The following PALLD variants were observed in gnomAD, a reference collection of about 807,000 sequenced individuals.
PALLD encodes the protein palladin, cytoskeletal associated protein, also known as palladin.
A neutral mutation model predicts 123.5 loss-of-function variants in PALLD; 61 were observed. That is an observed-to-expected ratio of 0.49 (90% CI 0.40 to 0.61). PALLD has a LOEUF of 0.61. Ranked by LOEUF, PALLD falls within the 20% of genes least tolerant of loss-of-function variation. The pLI, the probability that PALLD is intolerant of heterozygous loss-of-function variation, is 0.00. For missense variants in PALLD, 1,273 were observed against 1,377.0 expected (o/e 0.92, Z 1.20); for synonymous variants, 465 against 496.4 (o/e 0.94, Z 0.84).
At chr4:168,791,370 T>C (rs1448300001) in intron 10 of PALLD, among the ~76,000 whole-genome samples, 2 of 152,318 alleles carry the variant, frequency 1.3e-5, no homozygotes, top group East Asian at 3.9e-4. Context: ...GACTGGGTAA[T>C]TTATAAAGGA....
At chr4:168,536,738 C>T (rs969233352) in intron 2 of PALLD, 3 of 152,168 alleles carry the variant, frequency 2.0e-5, no homozygotes, top group African/African-American at 4.8e-5. Flanking sequence ...CCTGGTCTCT[C>T]CCTTGACACT....
intron 5 of PALLD, among the ~76,000 whole-genome samples, chr4:168,684,167 C>T (rs759748435): frequency 2.1e-4 from 32 of 152,060 alleles, no homozygotes; most frequent in Admixed American, 3.3e-4. Context: ...ACCCCATTCC[C>T]AAATGGGGTG....
intron 10 of PALLD, among the ~76,000 whole-genome samples, chr4:168,778,638 A>G (rs1713739409): frequency 1.3e-5 from 2 of 152,192 alleles, no homozygotes; most frequent in South Asian, 4.1e-4. Flanking sequence ...ATTATGTACC[A>G]AGCACCGTGC....
chr4:168,805,048 C>T (rs775061752), intron 10 of PALLD, among the ~76,000 whole-genome samples: 1 of 151,918 alleles, frequency 6.6e-6, no homozygotes, highest in Non-Finnish European at 1.5e-5. Flanking sequence ...AATCCAGCTA[C>T]TCAGGAGGCC....
At chr4:168,540,133 T>C (rs1394183264) in intron 2 of PALLD, among the ~76,000 whole-genome samples, 1 of 152,192 alleles carries the variant, frequency 6.6e-6, no homozygotes, top group Non-Finnish European at 1.5e-5. Context: ...GTCATCCCAG[T>C]CTGTGCTGCG....
At chr4:168,855,990 C>T (rs1238548068) in intron 10 of PALLD, among the ~76,000 whole-genome samples, 4 of 152,204 alleles carry the variant, frequency 2.6e-5, no homozygotes, top group Admixed American at 6.5e-5. Flanking sequence ...GTTTTTCAGC[C>T]CCTCCCCACC....
intron 2 of PALLD, among the ~76,000 whole-genome samples, chr4:168,541,126 T>C (rs1250027537): frequency 6.6e-6 from 1 of 152,268 alleles, no homozygotes; most frequent in Non-Finnish European, 1.5e-5. Flanking sequence ...CACATTGTCA[T>C]ATTTACGCAG....
rs1060502976 is a variant in PALLD, at chr4:168,926,257, C to T, written c.*77C>T. 1.2e-5 allele frequency: 18 copies of T among 1,536,250 alleles called. No homozygotes were observed. Among genetic ancestry groups the T allele is most frequent in the South Asian group, 3.6e-5 (3 of 83,900 alleles). On this transcript the variant is annotated 3_prime_UTR_variant, in exon 22 of 22. Coordinates refer to ENST00000505667, the MANE Select transcript of PALLD (RefSeq NM_001166108.2). The stretch of plus-strand genomic sequence containing the variant: ...ACAGAGCACCAAGCCAAAAAAAGTA[C>T]GGCCCTCAGCCAGTCGCTATGCAGC...
At chr4:168,633,314 G>A (rs1776019776) in intron 2 of PALLD, among the ~76,000 whole-genome samples, 2 of 152,314 alleles carry the variant, frequency 1.3e-5, no homozygotes, top group South Asian at 4.1e-4. Context: ...GGTTGTTATA[G>A]GGGTTACATG....
chr4:168,780,553 C>T (rs1464081811), intron 10 of PALLD, among the ~76,000 whole-genome samples: 1 of 152,216 alleles, frequency 6.6e-6, no homozygotes, highest in Non-Finnish European at 1.5e-5. Flanking sequence ...TCTCTCTTAT[C>T]CTGCCTCATC....
chr4:168,518,225 C>G (rs1763185047), intron 2 of PALLD, among the ~76,000 whole-genome samples: 1 of 152,190 alleles, frequency 6.6e-6, no homozygotes, highest in Non-Finnish European at 1.5e-5. Flanking sequence ...GACCACTTCA[C>G]CCCACCTCCA....
intron 2 of PALLD, among the ~76,000 whole-genome samples, chr4:168,548,721 G>C (rs1482102716): frequency 6.6e-6 from 1 of 152,128 alleles, no homozygotes; most frequent in Non-Finnish European, 1.5e-5. Flanking sequence ...AGGATAATAA[G>C]GATATACAAG....
chr4:168,859,597 AC>A (rs1163488432), intron 10 of PALLD, among the ~76,000 whole-genome samples: 1 of 152,176 alleles, frequency 6.6e-6, no homozygotes, highest in Non-Finnish European at 1.5e-5. Flanking sequence ...CAAATCTATC[AC>A]CACTACCCCA....
At chr4:168,642,910 G>C (rs1169514022) in intron 2 of PALLD, among the ~76,000 whole-genome samples, 1 of 152,228 alleles carries the variant, frequency 6.6e-6, no homozygotes, top group Admixed American at 6.5e-5. Context: ...TGATTGTCAG[G>C]TGTATACCTT....
At chr4:168,534,746 T>C (rs973373254) in intron 2 of PALLD, among the ~76,000 whole-genome samples, 1 of 152,204 alleles carries the variant, frequency 6.6e-6, no homozygotes, top group Non-Finnish European at 1.5e-5. Context: ...TGTATCTTTG[T>C]CATGACAGCC....
chr4:168,649,998 AC>A (rs1777873583), intron 2 of PALLD, among the ~76,000 whole-genome samples: 1 of 151,612 alleles, frequency 6.6e-6, no homozygotes, highest in Non-Finnish European at 1.5e-5. Flanking sequence ...ACATGGTGAA[AC>A]CCCATCTCTA....
chr4:168,618,119 A>G (rs1774404912), intron 2 of PALLD, among the ~76,000 whole-genome samples: 1 of 152,242 alleles, frequency 6.6e-6, no homozygotes, highest in Admixed American at 6.5e-5. Context: ...GGTAGCTTCC[A>G]GTCCTACCAC....
At chr4:168,845,148 A>G (rs750472590) in intron 10 of PALLD, among the ~76,000 whole-genome samples, 3 of 152,170 alleles carry the variant, frequency 2.0e-5, no homozygotes, top group African/African-American at 4.8e-5. Context: ...GGGAGGCTTT[A>G]CCAGCTGTGG....
chr4:168,542,659 C>T (rs994457137), intron 2 of PALLD, among the ~76,000 whole-genome samples: 4 of 62,070 alleles, frequency 6.4e-5, no homozygotes, highest in African/African-American at 2.4e-4. Flanking sequence ...TTATGTAAAG[C>T]TCTCTCTCTC....
Sources: allele counts gnomAD v4.1 joint callset (sites outside exome capture counted in the v4.1 genomes callset), GRCh38; gene constraint gnomAD v4.1.1; transcripts MANE v1.5; gene names NCBI Gene and HGNC (gene_info 2026-07-23, HGNC 2026-07-21).